CSMD1: variants seen among roughly 807,000 people sequenced by gnomAD.
CSMD1 encodes the protein CUB and Sushi multiple domains 1, also known as CUB and sushi domain-containing protein 1.
In CSMD1, 213 loss-of-function variants were observed where a neutral mutation model predicts 417.5. The observed-to-expected ratio is 0.51, with a 90% CI of 0.46 to 0.57. The LOEUF (loss-of-function observed/expected upper bound fraction) is 0.57, where lower values mean the gene tolerates loss of function less well. CSMD1 is among the 20% of genes least tolerant of loss of function. CSMD1 has a pLI of 0.00. For missense variants in CSMD1, 6,923 were observed against 4,529.7 expected (o/e 1.53, Z -15.17); for synonymous variants, 2,862 against 1,736.8 (o/e 1.65, Z -16.11).
At chr8:4,636,782 G>T (rs1455656334) in intron 2 of CSMD1, among the ~76,000 whole-genome samples, 2 of 152,142 alleles carry the variant, frequency 1.3e-5, no homozygotes, top group African/African-American at 2.4e-5. Flanking sequence ...TATAGTAACT[G>T]TATTTTTCTT....
chr8:3,652,790 A>G (rs1797923837), intron 7 of CSMD1, among the ~76,000 whole-genome samples: 1 of 152,186 alleles, frequency 6.6e-6, no homozygotes, highest in Non-Finnish European at 1.5e-5. Context: ...GCCCAAACAT[A>G]TACCTGGAAT....
intron 1 of CSMD1, among the ~76,000 whole-genome samples, chr8:4,713,687 G>T (rs10093574): frequency 6.6e-6 from 1 of 152,106 alleles, no homozygotes; most frequent in Non-Finnish European, 1.5e-5. Context: ...CAGAGCTCCA[G>T]CTGCTCGCCA....
At chr8:4,884,652 G>T (rs1246338186) in intron 1 of CSMD1, among the ~76,000 whole-genome samples, 1 of 151,906 alleles carries the variant, frequency 6.6e-6, no homozygotes, top group East Asian at 1.9e-4. Context: ...AATTGTCTTG[G>T]CAGTCATATC....
intron 5 of CSMD1, among the ~76,000 whole-genome samples, chr8:3,997,674 G>C (rs749000129): frequency 3.3e-5 from 5 of 150,266 alleles, no homozygotes; most frequent in Admixed American, 6.6e-5. Context: ...ACAAGTTCAA[G>C]CACACAGATG....
At chr8:3,077,628 G>A (rs914566846) in intron 49 of CSMD1, among the ~76,000 whole-genome samples, 1 of 152,198 alleles carries the variant, frequency 6.6e-6, no homozygotes, top group African/African-American at 2.4e-5. Flanking sequence ...ATTTTGGAAA[G>A]CCAACTTCCC....
rs530939628 is a variant in CSMD1, at chr8:3,779,685, C to A, written c.819-25643G>T. On this transcript the variant is annotated intron_variant, in intron 5 of 69. Coordinates refer to ENST00000635120, the MANE Select transcript of CSMD1 (RefSeq NM_033225.6). ...GATATGACATTTAAAATATAGAAAA[C>A]CAGATACAACACTATCTAGCGCATA... Among the ~76,000 whole-genome samples the A allele has an allele frequency of 1.3e-4, 20 of 152,110 alleles. No homozygotes were observed. The East Asian group carries it at 3.7e-3, about 28-fold the overall frequency.
chr8:3,732,605 A>G lies in CSMD1; in HGVS notation c.931+21325T>C, dbSNP rs368964284. On this transcript the variant is annotated intron_variant, in intron 6 of 69. Transcript: ENST00000635120. The stretch of plus-strand genomic sequence containing the variant: ...CAACGCACCATGAAAGCTGCATTTC[A>G]GCAACCCTTGCCTTTAAGACCTTTT... Among the ~76,000 whole-genome samples, 18 of 152,344 alleles carry G rather than the reference A, an allele frequency of 1.2e-4. No homozygotes were observed. In the East Asian group the frequency reaches 3.5e-3, roughly 29 times the overall value.
At chr8:3,322,117 A>G (rs61442239) in intron 23 of CSMD1, among the ~76,000 whole-genome samples, 6,945 of 152,288 alleles carry the variant, frequency 0.046, 348 homozygotes, top group East Asian at 0.21. Context: ...AGTGTTATGA[A>G]TACCAAATAC....
rs186081790 is a variant in CSMD1, at chr8:4,290,343, G to A, written c.415+129610C>T. Among the ~76,000 whole-genome samples, 9 of 152,296 alleles carry A rather than the reference G, an allele frequency of 5.9e-5. No homozygotes were observed. The East Asian group carries it at 1.7e-3, about 29-fold the overall frequency. Reference sequence around the variant, plus strand: ...CGTGTTTGAATTTCTACACAGTAATGCTCTATGACATCTGAATGGAGGGAG... The same window carrying A: ...CGTGTTTGAATTTCTACACAGTAATACTCTATGACATCTGAATGGAGGGAG... On this transcript the variant is annotated intron_variant, in intron 3 of 69. Coordinates refer to ENST00000635120, the MANE Select transcript of CSMD1 (RefSeq NM_033225.6).
intron 1 of CSMD1, among the ~76,000 whole-genome samples, chr8:4,892,077 A>C (rs1804160632): frequency 6.6e-6 from 1 of 152,140 alleles, no homozygotes; most frequent in Non-Finnish European, 1.5e-5. Flanking sequence ...TGCGGGAGGT[A>C]GGAAGAAATA....
chr8:3,350,166 A>G (rs927306302), intron 21 of CSMD1, among the ~76,000 whole-genome samples: 2 of 127,406 alleles, frequency 1.6e-5, no homozygotes, highest in African/African-American at 6.1e-5. Flanking sequence ...TGTGTGTGTT[A>G]TAATACCTAT....
chr8:3,475,462 T>G (rs1294665041), intron 11 of CSMD1, among the ~76,000 whole-genome samples: 3 of 152,256 alleles, frequency 2.0e-5, no homozygotes, highest in African/African-American at 7.2e-5. Context: ...AATCTTAGTG[T>G]TATGTTAGGC....
intron 2 of CSMD1, among the ~76,000 whole-genome samples, chr8:4,548,216 T>C (rs1378930251): frequency 6.6e-6 from 1 of 152,196 alleles, no homozygotes; most frequent in Non-Finnish European, 1.5e-5. Context: ...AAAATTGGCA[T>C]TTAATAAAAA....
At chr8:4,437,603 C>G (rs1202057497) in intron 2 of CSMD1, among the ~76,000 whole-genome samples, 3 of 152,172 alleles carry the variant, frequency 2.0e-5, no homozygotes, top group African/African-American at 7.2e-5. Context: ...ATTTCATACT[C>G]TATCAGCCTC....
intron 52 of CSMD1, among the ~76,000 whole-genome samples, chr8:3,002,019 A>G (rs758939034): frequency 6.6e-6 from 1 of 152,212 alleles, no homozygotes; most frequent in Non-Finnish European, 1.5e-5. Context: ...GAGACAGAAG[A>G]GAATCTGATC....
chr8:3,756,077 C>G (rs1367378848), intron 5 of CSMD1, among the ~76,000 whole-genome samples: 3 of 152,012 alleles, frequency 2.0e-5, no homozygotes, highest in African/African-American at 7.3e-5. Flanking sequence ...ATCATTGTGG[C>G]CGGGCGCAGT....
At chr8:4,811,821 A>T (rs1489935443) in intron 1 of CSMD1, among the ~76,000 whole-genome samples, 2 of 152,106 alleles carry the variant, frequency 1.3e-5, no homozygotes, top group African/African-American at 4.8e-5. Flanking sequence ...ACATAGGAAA[A>T]GATGTGATTT....
chr8:3,830,984 C>G (rs565361640), intron 5 of CSMD1, among the ~76,000 whole-genome samples: 51 of 152,212 alleles, frequency 3.4e-4, no homozygotes, highest in African/African-American at 1.2e-3. Flanking sequence ...ACATGGTCAC[C>G]TTTTCCTTCA....
chr8:4,031,281 A>G (rs1442362078), intron 4 of CSMD1, among the ~76,000 whole-genome samples: 4 of 152,216 alleles, frequency 2.6e-5, no homozygotes, highest in Non-Finnish European at 5.9e-5. Flanking sequence ...TTTACAAAAG[A>G]AAGAAGTTTA....
Sources: gnomAD v4.1 joint callset for allele counts (sites outside exome capture counted in the v4.1 genomes callset) on GRCh38, gnomAD v4.1.1 for gene constraint, MANE v1.5 for transcripts, NCBI Gene and HGNC (gene_info 2026-07-23, HGNC 2026-07-21) for gene names.